Variants in GAN observed in about 807,000 individuals in gnomAD.
The protein encoded by GAN is epididymis secretory sperm binding protein.
A neutral mutation model predicts 71.3 loss-of-function variants in GAN; 48 were observed. The ratio of observed to expected loss-of-function variants is 0.67; its 90% confidence interval spans 0.53 to 0.86. GAN has a LOEUF of 0.86. GAN is among the 40% of genes least tolerant of loss of function. GAN has a pLI of 0.00. For synonymous variants in GAN, 386 were observed against 276.8 expected, an observed-to-expected ratio of 1.39 and a Z score of -3.92; for missense variants, 928 against 770.1, an observed-to-expected ratio of 1.21 and a Z score of -2.43.
In GAN at chr16:81,381,685, C is replaced by A. The variant is rs1016532354; in HGVS notation, c.*4089C>A. ...CCCACTATGGAACGGGCAAGGGCCC[C>A]GTCTTTGTCATCTGCCAGTCTCAGT... On this transcript the variant is annotated 3_prime_UTR_variant, in exon 11 of 11. Transcript: ENST00000648994. 6.6e-6 allele frequency: 1 copy of A among 152,236 alleles called. No individual in the cohort carries two copies. The highest frequency in any genetic ancestry group is 2.4e-5 in the African/African-American group (1 of 41,460). 9.4% of individuals were successfully genotyped at this position (152,236 alleles called of 1,614,324 possible).
At chr16:81,370,576 T>C (rs905343585) in intron 9 of GAN, among the ~76,000 whole-genome samples, 1 of 152,238 alleles carries the variant, frequency 6.6e-6, no homozygotes, top group Non-Finnish European at 1.5e-5. Context: ...CCCACAGGGC[T>C]GAGATTCATC....
intron 5 of GAN, among the ~76,000 whole-genome samples, chr16:81,361,934 T>C (rs1910686175): frequency 6.6e-6 from 1 of 152,222 alleles, no homozygotes; most frequent in South Asian, 2.1e-4. Context: ...AAGCAGTCCT[T>C]GTAGCTTGGC....
chr16:81,316,869 T>C (rs568380026), intron 1 of GAN, among the ~76,000 whole-genome samples: 110 of 152,320 alleles, frequency 7.2e-4, no homozygotes, highest in Middle Eastern at 3.4e-3. Flanking sequence ...TGTTTTGTTT[T>C]GTTTTTCGAG....
rs1346714783 is a variant in GAN at position 81,387,167 on chromosome 16, C to G, written c.*9571C>G. ...GGGCAAGATGTGTTGGGTGTTAGAT[C>G]TGCAATACTCTTCATAGTGTAATGG... On this transcript the variant is annotated 3_prime_UTR_variant, in exon 11 of 11. Transcript: ENST00000648994. 6.6e-6 allele frequency: 1 copy of G among 152,082 alleles called. No homozygotes were observed. Among genetic ancestry groups the G allele is most frequent in the African/African-American group, 2.4e-5 (1 of 41,400 alleles). 9.4% of individuals were successfully genotyped at this position (152,082 alleles called of 1,614,324 possible). A position where few individuals can be genotyped will look rare whatever the true frequency, so the allele number is the denominator to read the frequency against.
Position 81,390,762 on chromosome 16 carries a change from C to T in GAN, c.*13166C>T, listed in dbSNP as rs1904536904. The T allele has an allele frequency of 6.6e-6, 1 of 152,194 alleles. No individual in the cohort carries two copies. Among genetic ancestry groups the T allele is most frequent in the Non-Finnish European group, 1.5e-5 (1 of 68,034 alleles). The allele number at this position is 152,194 out of a possible 1,614,324, so 9.4% of individuals were successfully genotyped here. On this transcript the variant is annotated 3_prime_UTR_variant, in exon 11 of 11. Coordinates refer to ENST00000648994, the MANE Select transcript of GAN (RefSeq NM_022041.4). ...AAGGGTACCACACAAAAGGAATCAT[C>T]TTTAAGCTGTTTAATTAACCTAATA...
intron 1 of GAN, among the ~76,000 whole-genome samples, chr16:81,344,890 T>A (rs1014534452): frequency 6.6e-6 from 1 of 152,072 alleles, no homozygotes; most frequent in Non-Finnish European, 1.5e-5. Context: ...TACAAAGAAC[T>A]TAAACAAATT....
rs1904304079 is a variant in GAN at position 81,381,393 on chromosome 16, G to A, written c.*3797G>A. The A allele has an allele frequency of 6.6e-6, 1 of 152,210 alleles. No individual in the cohort carries two copies. The highest frequency in any genetic ancestry group is 2.1e-4 in the South Asian group (1 of 4,826). 9.4% of individuals were successfully genotyped at this position (152,210 alleles called of 1,614,324 possible). On this transcript the variant is annotated 3_prime_UTR_variant, in exon 11 of 11. Transcript: ENST00000648994. Reference sequence around the variant, plus strand: ...GGTTAAATGGGGGAAGAATGAGGTGGCGCTTTGACTGTATCAATTTAAAGA... The same window carrying A: ...GGTTAAATGGGGGAAGAATGAGGTGACGCTTTGACTGTATCAATTTAAAGA...
In GAN at chr16:81,335,906, C is replaced by A. The variant is rs148307664; in HGVS notation, c.168-15677C>A. The stretch of plus-strand genomic sequence containing the variant: ...AAATTAAAAGGAAATAGTGAAGAGT[C>A]CAGCTCTGAGCTCAGTGAGAGGAGG... On this transcript the variant is annotated intron_variant, in intron 1 of 10. Coordinates refer to ENST00000648994, the MANE Select transcript of GAN (RefSeq NM_022041.4). 8.2e-3 allele frequency among the ~76,000 whole-genome samples: 1,248 copies of A among 152,186 alleles called. 17 individuals are homozygous for A. The highest frequency in any genetic ancestry group is 0.029 in the African/African-American group (1,184 of 41,518).
chr16:81,370,970 A>G (rs1044155102), intron 9 of GAN, among the ~76,000 whole-genome samples: 5 of 145,692 alleles, frequency 3.4e-5, no homozygotes, highest in African/African-American at 1.2e-4. Flanking sequence ...CTAGCTGGAC[A>G]TGCTGATATG....
In GAN at chr16:81,324,253, G is replaced by A. The variant is rs138654939; in HGVS notation, c.167+8973G>A. On this transcript the variant is annotated intron_variant, in intron 1 of 10. Coordinates refer to ENST00000648994, the MANE Select transcript of GAN (RefSeq NM_022041.4). ...CGTTTGTTCATTGCCCTTTCTAGACGGAGTGCCAGCATCCATGGGGGCTAC... is the reference window on the plus strand; with the variant it reads ...CGTTTGTTCATTGCCCTTTCTAGACAGAGTGCCAGCATCCATGGGGGCTAC... 3.9e-5 allele frequency among the ~76,000 whole-genome samples: 6 copies of A among 152,262 alleles called. No individual in the cohort carries two copies. The South Asian group carries it at 8.3e-4, about 21-fold the overall frequency.
intron 2 of GAN, among the ~76,000 whole-genome samples, chr16:81,352,350 C>T (rs1313267607): frequency 1.3e-5 from 2 of 152,142 alleles, no homozygotes; most frequent in East Asian, 3.9e-4. Flanking sequence ...TTCCTTTGCC[C>T]TCCTCCGACT....
At chr16:81,316,902 AG>A (rs1909061694) in intron 1 of GAN, among the ~76,000 whole-genome samples, 2 of 152,216 alleles carry the variant, frequency 1.3e-5, no homozygotes, top group Admixed American at 1.3e-4. Context: ...TCTTTAGCCC[AG>A]GCTAGAGTGC....
At chr16:81,327,323 A>G (rs771824673) in intron 1 of GAN, among the ~76,000 whole-genome samples, 3 of 152,212 alleles carry the variant, frequency 2.0e-5, no homozygotes, top group African/African-American at 4.8e-5. Flanking sequence ...GCCAGAAGCA[A>G]AAAGGTGGTT....
At chr16:81,336,089 G>C (rs879936016) in intron 1 of GAN, among the ~76,000 whole-genome samples, 1 of 152,120 alleles carries the variant, frequency 6.6e-6, no homozygotes, top group African/African-American at 2.4e-5. Flanking sequence ...CATGTCTTCC[G>C]ACAGGACAAA....
chr16:81,320,397 T>C (rs1165650484), intron 1 of GAN, among the ~76,000 whole-genome samples: 1 of 152,216 alleles, frequency 6.6e-6, no homozygotes, highest in Non-Finnish European at 1.5e-5. Flanking sequence ...TAGCCTCTTA[T>C]TAGATTCTTT....
Position 81,381,782 on chromosome 16 carries a change from C to A in GAN, c.*4186C>A, listed in dbSNP as rs144393311. On this transcript the variant is annotated 3_prime_UTR_variant, in exon 11 of 11. Transcript: ENST00000648994. ...AGATTCTTGTGATCAAAGTAATGTT[C>A]TTCTGTTGAAAAGGGCACTCCAAGA... The A allele has an allele frequency of 6.6e-6, 1 of 152,298 alleles. No individual in the cohort carries two copies. The highest frequency in any genetic ancestry group is 2.4e-5 in the African/African-American group (1 of 41,560). 9.4% of individuals were successfully genotyped at this position (152,298 alleles called of 1,614,324 possible).
At chr16:81,330,343 G>C (rs1432984970) in intron 1 of GAN, among the ~76,000 whole-genome samples, 1 of 152,244 alleles carries the variant, frequency 6.6e-6, no homozygotes, top group African/African-American at 2.4e-5. Flanking sequence ...AGCATTTTGT[G>C]CCAGAAAGCA....
At chr16:81,328,603 C>T (rs978867602) in intron 1 of GAN, among the ~76,000 whole-genome samples, 1 of 150,952 alleles carries the variant, frequency 6.6e-6, no homozygotes, top group Non-Finnish European at 1.5e-5. Context: ...GGTTACTGTC[C>T]AGGAAAACTG....
chr16:81,340,286 T>C (rs1014662988), intron 1 of GAN, among the ~76,000 whole-genome samples: 1 of 152,096 alleles, frequency 6.6e-6, no homozygotes, highest in Non-Finnish European at 1.5e-5. Context: ...TGGAAACATA[T>C]GACAGTAGAA....
Sources: gnomAD v4.1 joint callset for allele counts (sites outside exome capture counted in the v4.1 genomes callset) on GRCh38, gnomAD v4.1.1 for gene constraint, MANE v1.5 for transcripts, NCBI Gene and HGNC (gene_info 2026-07-23, HGNC 2026-07-21) for gene names.